ANKFN1: variants seen among roughly 807,000 people sequenced by gnomAD.
The protein encoded by ANKFN1 is ankyrin repeat and fibronectin type-III domain-containing protein 1.
ANKFN1 carries 74 observed loss-of-function variants against 108.7 expected under a neutral mutation model. The observed-to-expected ratio is 0.68, with a 90% CI of 0.56 to 0.83. ANKFN1 has a LOEUF of 0.83. ANKFN1 is among the 40% of genes least tolerant of loss of function. The probability of loss-of-function intolerance (pLI) is 0.00; values close to 1 mark genes in which losing one functional copy is unlikely to be tolerated. For missense variants in ANKFN1, 1,505 were observed against 1,382.3 expected (o/e 1.09, Z -1.41); for synonymous variants, 547 against 516.2 (o/e 1.06, Z -0.81).
upstream of ANKFN1, among the ~76,000 whole-genome samples, chr17:56,150,369 G>T (rs1456769396): frequency 1.3e-5 from 2 of 152,162 alleles, no homozygotes; most frequent in Non-Finnish European, 2.9e-5. Flanking sequence ...TAAGCAGCTG[G>T]AGCTGGGTTA....
At chr17:56,499,522 G>A (rs1050008058) in intron 20 of ANKFN1, among the ~76,000 whole-genome samples, 2 of 152,074 alleles carry the variant, frequency 1.3e-5, no homozygotes, top group African/African-American at 4.8e-5. Flanking sequence ...CAGGAAACAG[G>A]CCCAAACCTG....
intron 3 of ANKFN1, among the ~76,000 whole-genome samples, chr17:56,260,779 T>A (rs1419631911): frequency 6.6e-6 from 1 of 152,202 alleles, no homozygotes; most frequent in Non-Finnish European, 1.5e-5. Context: ...TCACTCCAGT[T>A]ACCTCTCCTT....
At chr17:56,076,705 A>T (rs1423226708) in intron 4 of ANKFN1, among the ~76,000 whole-genome samples, 1 of 152,220 alleles carries the variant, frequency 6.6e-6, no homozygotes, top group Non-Finnish European at 1.5e-5. Context: ...TATAAGGACT[A>T]AATGAAGTAA....
At chr17:56,468,177 T>C (rs2050196502) in intron 15 of ANKFN1, among the ~76,000 whole-genome samples, 1 of 152,166 alleles carries the variant, frequency 6.6e-6, no homozygotes. Flanking sequence ...CTACATTATG[T>C]CATATTTTGA....
At chr17:56,384,887 A>G (rs914714517) in intron 8 of ANKFN1, among the ~76,000 whole-genome samples, 1 of 151,762 alleles carries the variant, frequency 6.6e-6, no homozygotes, top group African/African-American at 2.4e-5. Flanking sequence ...GAAAATGGCC[A>G]TACTGCCCAA....
chr17:56,434,001 AC>A (rs969691022), intron 8 of ANKFN1, among the ~76,000 whole-genome samples: 1 of 152,076 alleles, frequency 6.6e-6, no homozygotes, highest in Non-Finnish European at 1.5e-5. Flanking sequence ...GTGCCACTAC[AC>A]TCCGTCCTGG....
chr17:56,458,055 T>C, intron 14 of ANKFN1, 76 bp downstream of exon 14: 1 of 1,246,460 alleles, frequency 8.0e-7, no homozygotes. Context: ...CAGTCCTACC[T>C]AGAAAGGAAA....
Position 56,449,165 on chromosome 17 carries a change from C to T in ANKFN1, c.1186C>T (p.His396Tyr). 1 of 1,613,284 alleles carries T rather than the reference C, an allele frequency of 6.2e-7. No homozygotes were observed. Among genetic ancestry groups the T allele is most frequent in the Non-Finnish European group, 8.5e-7 (1 of 1,179,538 alleles). ...EGLLQQVRAL[H>Y]QHYSCRESTK... ...TCTGCTGCAGCAGGTCCGAGCCCTT[C>T]ATCAGCATTACAGTTGCCGGGGTAA... Residue 396 changes from histidine to tyrosine, a missense_variant, in exon 11 of 21, where the codon CAT (histidine) becomes TAT (tyrosine). Coordinates refer to ENST00000682825, the MANE Select transcript of ANKFN1 (RefSeq NM_001370326.1).
intron 18 of ANKFN1, among the ~76,000 whole-genome samples, chr17:56,487,637 AC>A (rs1294721876): frequency 6.6e-6 from 1 of 152,212 alleles, no homozygotes; most frequent in Non-Finnish European, 1.5e-5. Flanking sequence ...AACCATACAG[AC>A]ATTAATAAGG....
chr17:56,344,114 A>T (rs764230275), intron 4 of ANKFN1, among the ~76,000 whole-genome samples: 1 of 151,960 alleles, frequency 6.6e-6, no homozygotes, highest in South Asian at 2.1e-4. Flanking sequence ...CTCGTATGGG[A>T]CATAGTTTCT....
intron 1 of ANKFN1, among the ~76,000 whole-genome samples, chr17:56,169,209 G>A (rs1255080408): frequency 1.3e-5 from 2 of 152,152 alleles, no homozygotes; most frequent in Non-Finnish European, 2.9e-5. Context: ...AGGGAGATGT[G>A]TAGCCCTGGC....
intron 1 of ANKFN1, among the ~76,000 whole-genome samples, chr17:56,182,634 T>A (rs1376366594): frequency 6.6e-6 from 1 of 152,198 alleles, no homozygotes; most frequent in Non-Finnish European, 1.5e-5. Context: ...AGGCAGCAAG[T>A]GCTGATGGAG....
At chr17:56,333,487 A>G (rs1415070186) in intron 4 of ANKFN1, among the ~76,000 whole-genome samples, 2 of 152,124 alleles carry the variant, frequency 1.3e-5, no homozygotes, top group African/African-American at 2.4e-5. Flanking sequence ...GGGTAGATAA[A>G]TGTTATACTA....
chr17:56,314,703 ACT>A (rs1052355104), intron 3 of ANKFN1, among the ~76,000 whole-genome samples: 44 of 152,096 alleles, frequency 2.9e-4, no homozygotes, highest in African/African-American at 1.1e-3. Context: ...ATATCTCCTG[ACT>A]CTAACTGGTG....
chr17:56,144,064 C>G (rs1235221027), intron 4 of ANKFN1, among the ~76,000 whole-genome samples: 1 of 147,460 alleles, frequency 6.8e-6, no homozygotes, highest in Non-Finnish European at 1.5e-5. Context: ...ATCACAAGAG[C>G]TGTGTGCTCC....
intron 2 of ANKFN1, among the ~76,000 whole-genome samples, chr17:56,218,293 A>C (rs1915583581): frequency 6.7e-6 from 1 of 149,528 alleles, no homozygotes; most frequent in Non-Finnish European, 1.5e-5. Context: ...TAATTAAATA[A>C]CTCCTTCTGA....
At chr17:56,501,577 G>A (rs2051372620) in intron 20 of ANKFN1, among the ~76,000 whole-genome samples, 1 of 152,144 alleles carries the variant, frequency 6.6e-6, no homozygotes, top group African/African-American at 2.4e-5. Context: ...GAAACATTCA[G>A]GAGAAAACAA....
intron 11 of ANKFN1, among the ~76,000 whole-genome samples, chr17:56,455,574 A>C (rs2049660782): frequency 6.6e-6 from 1 of 152,180 alleles, no homozygotes; most frequent in South Asian, 2.1e-4. Flanking sequence ...CTCCAGTGAC[A>C]TGTCTGTCAG....
At chr17:56,466,220 G>A (rs2050067568) in intron 14 of ANKFN1, 136 bp from the exon 15 acceptor site, 3 of 742,870 alleles carry the variant, frequency 4.0e-6, no homozygotes, top group Non-Finnish European at 6.6e-6. Context: ...TATATTCTAG[G>A]TTTAAGTGCA....
Sources: allele counts gnomAD v4.1 joint callset (sites outside exome capture counted in the v4.1 genomes callset), GRCh38; gene constraint gnomAD v4.1.1; transcripts MANE v1.5; gene names NCBI Gene and HGNC (gene_info 2026-07-23, HGNC 2026-07-21).